DAB2: variants seen among roughly 807,000 people sequenced by gnomAD.
DAB2 encodes DAB adaptor protein 2, also known as disabled homolog 2.
DAB2 carries 28 observed loss-of-function variants against 71.6 expected under a neutral mutation model. That is an observed-to-expected ratio of 0.39 (90% CI 0.29 to 0.54). The LOEUF is 0.54. Ranked by LOEUF, DAB2 falls within the 20% of genes least tolerant of loss-of-function variation. DAB2 has a pLI of 0.68. For missense variants in DAB2, 867 were observed against 928.8 expected (o/e 0.93, Z 0.86); for synonymous variants, 345 against 339.7 (o/e 1.02, Z -0.17).
intron 1 of DAB2, among the ~76,000 whole-genome samples, chr5:39,399,312 T>C (rs1013192489): frequency 1.4e-4 from 21 of 152,134 alleles, no homozygotes; most frequent in African/African-American, 5.1e-4. Context: ...CTCAAAAACA[T>C]ATAAAAAGGC....
Position 39,422,719 on chromosome 5 carries a change from C to G in DAB2, c.-102+2085G>C, listed in dbSNP as rs987667766. 3.3e-5 allele frequency among the ~76,000 whole-genome samples: 5 copies of G among 152,088 alleles called. No individual in the cohort carries two copies. Among genetic ancestry groups the G allele is most frequent in the South Asian group, 4.2e-4 (2 of 4,818 alleles). On this transcript the variant is annotated intron_variant, in intron 1 of 14. Coordinates refer to ENST00000320816, the MANE Select transcript of DAB2 (RefSeq NM_001343.4). The surrounding 1 kb of genome is among the most constrained non-coding windows in gnomAD (Gnocchi z 4.1). ...ATATCATCCCCAAACAGCTGGTCAG[C>G]AGCTGCCAGAGGTCCCTGTACTACC...
chr5:39,400,178 T>C (rs1023613741), intron 1 of DAB2, among the ~76,000 whole-genome samples: 3 of 152,014 alleles, frequency 2.0e-5, no homozygotes, highest in African/African-American at 7.2e-5. Flanking sequence ...ACACCTAGTA[T>C]ACCAACCACT....
At position 39,382,931 on chromosome 5, in the gene DAB2, A is replaced by C. The variant is rs1561367477; in HGVS notation, c.1028T>G (p.Phe343Cys). Residue 343 changes from phenylalanine to cysteine, a missense_variant, in exon 10 of 15, where the codon TTT (phenylalanine) becomes TGT (cysteine). Transcript: ENST00000320816. The stretch of plus-strand genomic sequence containing the variant: ...AGAGATCTGGTCAAATTGCTGACCA[A>C]AGTAGTCAACATCACCATTCAGGGG... Reference protein sequence around the residue: ...NGPLNGDVDYFGQQFDQISNR... With the variant: ...NGPLNGDVDYCGQQFDQISNR... 6.2e-7 allele frequency: 1 copy of C among 1,614,134 alleles called. No individual in the cohort carries two copies. Among genetic ancestry groups the C allele is most frequent in the East Asian group, 2.2e-5 (1 of 44,876 alleles).
At chr5:39,405,821 C>G (rs1456403218) in intron 1 of DAB2, among the ~76,000 whole-genome samples, 2 of 152,114 alleles carry the variant, frequency 1.3e-5, no homozygotes, top group Non-Finnish European at 2.9e-5. Flanking sequence ...CAACCTTGAG[C>G]CCAGAGTTGT....
At chr5:39,404,811 T>A (rs898332848) in intron 1 of DAB2, among the ~76,000 whole-genome samples, 2 of 152,198 alleles carry the variant, frequency 1.3e-5, no homozygotes, top group African/African-American at 2.4e-5. Context: ...ACTCCTGGCC[T>A]TAGGCAATCC....
rs1754737802 is a variant in DAB2, at chr5:39,373,043, A to T, written c.*388T>A. The stretch of plus-strand genomic sequence containing the variant: ...CCCCAAACAACTCTGAACAATAAGG[A>T]TTTGAAAATTTATTCAAAACAGTAT... On this transcript the variant is annotated 3_prime_UTR_variant, in exon 15 of 15. Transcript: ENST00000320816. 1 of 152,114 alleles carries T rather than the reference A, an allele frequency of 6.6e-6. No homozygotes were observed. Among genetic ancestry groups the T allele is most frequent in the African/African-American group, 2.4e-5 (1 of 41,426 alleles). The allele number at this position is 152,114 out of a possible 1,614,324, so 9.4% of individuals were successfully genotyped here.
intron 10 of DAB2, among the ~76,000 whole-genome samples, chr5:39,382,092 T>C (rs926461450): frequency 3.3e-5 from 5 of 152,226 alleles, no homozygotes; most frequent in Non-Finnish European, 5.9e-5. Context: ...GCATTTTAAA[T>C]TGCTCTTAAA....
In DAB2 at chr5:39,391,977, A is replaced by AT. The variant is rs1442727464; in HGVS notation, c.330+387_330+388insA. On this transcript the variant is annotated intron_variant, in intron 4 of 14. Transcript: ENST00000320816. ...GTATACCCGAGGTCAAAAAAAAAAAAAAAAATATATATATATAGAAGTTTT... is the reference window on the plus strand; with the variant it reads ...GTATACCCGAGGTCAAAAAAAAAAAATAAAAATATATATATATAGAAGTTTT... 2.9e-3 allele frequency among the ~76,000 whole-genome samples: 396 copies of AT among 137,326 alleles called. 1 individual carries two copies. Among genetic ancestry groups the AT allele is most frequent in the African/African-American group, 5.3e-3 (206 of 38,746 alleles). 90.1% of individuals were successfully genotyped at this position (137,326 alleles called of 152,430 possible).
chr5:39,410,028 T>A (rs958016280), intron 1 of DAB2, among the ~76,000 whole-genome samples: 1 of 152,212 alleles, frequency 6.6e-6, no homozygotes, highest in African/African-American at 2.4e-5. Flanking sequence ...CTAGGATTTA[T>A]AGAGGGACTT....
rs1228211401 is a variant in DAB2, at chr5:39,422,769, G to A, written c.-102+2035C>T. ...CTTCATGCCAACAAGTGCCTTAAAA[G>A]CCGTACCCTTCAACCCAAACAAGGC... On this transcript the variant is annotated intron_variant, in intron 1 of 14. Coordinates refer to ENST00000320816, the MANE Select transcript of DAB2 (RefSeq NM_001343.4). The surrounding 1 kb of genome is among the most constrained non-coding windows in gnomAD (Gnocchi z 4.1). Among the ~76,000 whole-genome samples, 2 of 152,130 alleles carry A rather than the reference G, an allele frequency of 1.3e-5. No individual in the cohort carries two copies. Among genetic ancestry groups the A allele is most frequent in the African/African-American group, 4.8e-5 (2 of 41,426 alleles).
chr5:39,397,128 T>A (rs1009821534), intron 1 of DAB2, among the ~76,000 whole-genome samples: 2 of 152,144 alleles, frequency 1.3e-5, no homozygotes, highest in African/African-American at 2.4e-5. Context: ...GTGACTCTAG[T>A]AGAACTTCTT....
At chr5:39,409,854 G>A (rs1755683386) in intron 1 of DAB2, among the ~76,000 whole-genome samples, 1 of 152,194 alleles carries the variant, frequency 6.6e-6, no homozygotes, top group Non-Finnish European at 1.5e-5. Context: ...GACCTCTACA[G>A]ATAAGATTAA....
intron 11 of DAB2, among the ~76,000 whole-genome samples, chr5:39,379,433 G>A (rs1204054647): frequency 2.1e-5 from 2 of 97,268 alleles, no homozygotes; most frequent in Non-Finnish European, 3.7e-5. Flanking sequence ...GACAGAGTGA[G>A]ACTCTGTCTC....
At chr5:39,393,101 AC>A (rs1412331988) in intron 3 of DAB2, among the ~76,000 whole-genome samples, 152 bp downstream of exon 3, 1 of 152,188 alleles carries the variant, frequency 6.6e-6, no homozygotes, top group East Asian at 1.9e-4. Flanking sequence ...GCAAACACTC[AC>A]GGTTTCTCAG....
At chr5:39,403,525 A>C (rs1021622594) in intron 1 of DAB2, among the ~76,000 whole-genome samples, 2 of 152,136 alleles carry the variant, frequency 1.3e-5, no homozygotes, top group African/African-American at 4.8e-5. Context: ...AGGATCTTAC[A>C]TGGTCTCATT....
At position 39,389,869 on chromosome 5, in the gene DAB2, C is replaced by T. The variant is rs1350170826; in HGVS notation, c.526G>A (p.Glu176Lys). ...FQVIYNVKKK[E>K]EEKKKIEEAS... ...GTACTTGCCTTTTTCTTTTCTTCTT[C>T]CTTTTTCTTTACATTATAGATAACT... Residue 176 changes from glutamate (E) to lysine (K), a missense_variant, in exon 6 of 15, where the codon GAA becomes AAA. Transcript: ENST00000320816. 1 of 1,577,868 alleles carries T rather than the reference C, an allele frequency of 6.3e-7. No homozygotes were observed. The highest frequency in any genetic ancestry group is 8.7e-7 in the Non-Finnish European group (1 of 1,154,716).
At chr5:39,389,027 G>T in intron 7 of DAB2, 70 bp downstream of exon 7, 3 of 1,461,486 alleles carry the variant, frequency 2.1e-6, no homozygotes, top group South Asian at 1.2e-5. Context: ...GAGAGTGGTT[G>T]GGCAGGTAGA....
intron 2 of DAB2, 111 bp from the exon 3 acceptor site, chr5:39,393,504 A>T: frequency 1.8e-6 from 2 of 1,091,670 alleles, no homozygotes; most frequent in Non-Finnish European, 1.3e-6. Flanking sequence ...ACTACAACTG[A>T]TCATGTATGT....
Position 39,371,758 on chromosome 5 carries a change from G to A in DAB2, c.*1673C>T, listed in dbSNP as rs1273594002. On this transcript the variant is annotated 3_prime_UTR_variant, in exon 15 of 15. Transcript: ENST00000320816. ...GAAAAGTGCATGAGAAAATAAGTATGTACAAAACAGTTGTGTGGCTGATCA... is the reference window on the plus strand; with the variant it reads ...GAAAAGTGCATGAGAAAATAAGTATATACAAAACAGTTGTGTGGCTGATCA... The A allele has an allele frequency of 1.3e-5, 2 of 152,150 alleles. No individual in the cohort carries two copies. The highest frequency in any genetic ancestry group is 2.9e-5 in the Non-Finnish European group (2 of 68,024). The allele number at this position is 152,150 out of a possible 1,614,324, so 9.4% of individuals were successfully genotyped here. A position where few individuals can be genotyped will look rare whatever the true frequency, so the allele number is the denominator to read the frequency against.
Sources: allele counts gnomAD v4.1 joint callset (sites outside exome capture counted in the v4.1 genomes callset), GRCh38; gene constraint gnomAD v4.1.1; non-coding constraint Gnocchi (gnomAD v3.1); transcripts MANE v1.5; gene names NCBI Gene and HGNC (gene_info 2026-07-23, HGNC 2026-07-21).